DHX29: variants seen among roughly 807,000 people sequenced by gnomAD.
DHX29 encodes DExH-box helicase 29, also known as ATP-dependent RNA helicase DHX29.
In DHX29, 79 loss-of-function variants were observed where a neutral mutation model predicts 167.9. That is an observed-to-expected ratio of 0.47 (90% CI 0.39 to 0.57). DHX29 has a LOEUF of 0.57. Among genes scored for constraint, DHX29 ranks in the 20% least tolerant of loss-of-function variants. The pLI is 0.00. For synonymous variants in DHX29, 530 were observed against 546.0 expected, an observed-to-expected ratio of 0.97 and a Z score of 0.41; for missense variants, 1,347 against 1,593.4, an observed-to-expected ratio of 0.85 and a Z score of 2.63.
chr5:55,305,604 A>T (rs1748820751), intron 1 of DHX29, among the ~76,000 whole-genome samples: 1 of 152,244 alleles, frequency 6.6e-6, no homozygotes, highest in Non-Finnish European at 1.5e-5. Flanking sequence ...AAGCAAAATG[A>T]GCACAGCTGT....
At chr5:55,301,454 C>T (rs1353308634) in intron 1 of DHX29, among the ~76,000 whole-genome samples, 1 of 152,154 alleles carries the variant, frequency 6.6e-6, no homozygotes, top group African/African-American at 2.4e-5. Flanking sequence ...TGGCTCACGC[C>T]TGTAATCCCA....
intron 1 of DHX29, among the ~76,000 whole-genome samples, chr5:55,302,477 A>G (rs1243884699): frequency 6.6e-6 from 1 of 151,004 alleles, no homozygotes; most frequent in African/African-American, 2.4e-5. Flanking sequence ...AATATTAGCT[A>G]GGTGTGGTGG....
At chr5:55,271,486 A>G (rs929129721) in intron 18 of DHX29, among the ~76,000 whole-genome samples, 4 of 152,196 alleles carry the variant, frequency 2.6e-5, no homozygotes, top group Non-Finnish European at 4.4e-5. Context: ...CAAAAACATT[A>G]GCCGAGTGTG....
In DHX29 at chr5:55,307,422, G is replaced by A. The variant is rs1177817066; in HGVS notation, c.152C>T (p.Ala51Val). 7 of 1,612,454 alleles carry A rather than the reference G, an allele frequency of 4.3e-6. No homozygotes were observed. The African/African-American group carries it at 9.3e-5, about 22-fold the overall frequency. The stretch of plus-strand genomic sequence containing the variant: ...ACGGGGCTCCCTGGAGCCGGCAGCG[G>A]CAGCGGCAGCGGTGGCCGGCCTGGA... ...PVSRPATAAAAAAGSREPRVK... is the reference protein window; with the variant it reads ...PVSRPATAAAVAAGSREPRVK... The change falls in exon 1 of 27, where the codon GCC becomes GTC. Residue 51 changes from alanine to valine, a missense_variant. By Grantham distance (64) the Ala-to-Val change is moderately conservative. Coordinates refer to ENST00000251636, the MANE Select transcript of DHX29 (RefSeq NM_019030.4).
intron 8 of DHX29, among the ~76,000 whole-genome samples, chr5:55,288,447 A>G (rs900006818): frequency 6.0e-5 from 9 of 151,154 alleles, no homozygotes; most frequent in Non-Finnish European, 8.8e-5. Flanking sequence ...TATTTACTAT[A>G]TACTATTATT....
At chr5:55,294,699 A>C (rs1463740758) in intron 5 of DHX29, 1 of 152,614 alleles carries the variant, frequency 6.6e-6, no homozygotes, top group Non-Finnish European at 1.5e-5. Flanking sequence ...CAACAAAAAA[A>C]CTAGTGTTAT....
chr5:55,302,380 T>C (rs1241239457), intron 1 of DHX29, among the ~76,000 whole-genome samples: 1 of 152,144 alleles, frequency 6.6e-6, no homozygotes, highest in Admixed American at 6.5e-5. Context: ...AAAGTTCATA[T>C]GCTACTGACA....
At chr5:55,269,256 A>AG (rs1369461753) in intron 21 of DHX29, among the ~76,000 whole-genome samples, 157 bp downstream of exon 21, 14 of 151,954 alleles carry the variant, frequency 9.2e-5, no homozygotes, top group African/African-American at 3.4e-4. Flanking sequence ...AAAAAAAAAA[A>AG]AAAAAAAATT....
intron 11 of DHX29, among the ~76,000 whole-genome samples, chr5:55,282,010 T>G (rs1309702304): frequency 6.6e-6 from 1 of 152,088 alleles, no homozygotes; most frequent in East Asian, 1.9e-4. Context: ...GGCCTCGAAC[T>G]CCTGACCTCA....
rs567230093 is a variant in DHX29, at chr5:55,276,105, T to C, written c.2427+161A>G. On this transcript the variant is annotated intron_variant, in intron 14 of 26. Transcript: ENST00000251636. ...AAGACTACAGTCTATGAAATAAAGA[T>C]TAAAGAAATGACCTTTAAAATTTGT... Among the ~76,000 whole-genome samples the C allele has an allele frequency of 2.0e-5, 3 of 152,308 alleles. No individual in the cohort carries two copies. In the South Asian group the frequency reaches 6.2e-4, roughly 32 times the overall value.
intron 23 of DHX29, among the ~76,000 whole-genome samples, chr5:55,265,453 A>G (rs563328492): frequency 9.9e-5 from 15 of 152,282 alleles, no homozygotes; most frequent in African/African-American, 3.1e-4. Context: ...AATACAGGAC[A>G]CAGAAGAATA....
At chr5:55,275,224 G>C (rs1290673344) in intron 14 of DHX29, among the ~76,000 whole-genome samples, 1 of 152,034 alleles carries the variant, frequency 6.6e-6, no homozygotes, top group Non-Finnish European at 1.5e-5. Context: ...ATGTCATCCA[G>C]CCCTTAGGTA....
intron 15 of DHX29, 21 bp from the exon 16 acceptor site, chr5:55,274,752 C>T: frequency 6.4e-7 from 1 of 1,570,162 alleles, no homozygotes; most frequent in East Asian, 2.3e-5. Flanking sequence ...TAAAAAGATA[C>T]AATATTCAAA....
chr5:55,270,228 G>T (rs1232802460), intron 20 of DHX29, among the ~76,000 whole-genome samples, 184 bp downstream of exon 20: 2 of 152,184 alleles, frequency 1.3e-5, no homozygotes, highest in East Asian at 3.8e-4. Flanking sequence ...TCTATAAAGT[G>T]TAAGTGTCTG....
In DHX29 at chr5:55,300,976, T is replaced by C. The variant is rs963296756; in HGVS notation, c.188-2312A>G. ...TCTTCTCTTGGCATGTAGGTGGCCA[T>C]CATCTTGCTATATGTTCACATGGCT... is the stretch of plus-strand genomic sequence containing the variant. On this transcript the variant is annotated intron_variant, in intron 1 of 26. Transcript: ENST00000251636. Among the ~76,000 whole-genome samples, 4 of 152,260 alleles carry C rather than the reference T, an allele frequency of 2.6e-5. 1 individual carries two copies. Among genetic ancestry groups the C allele is most frequent in the South Asian group, 4.1e-4 (2 of 4,826 alleles).
intron 16 of DHX29, among the ~76,000 whole-genome samples, chr5:55,273,870 T>C (rs748438874): frequency 3.3e-5 from 5 of 152,172 alleles, no homozygotes; most frequent in Admixed American, 1.3e-4. Context: ...GCAGATCATC[T>C]AAGGTCAGGA....
Position 55,262,794 on chromosome 5 carries a change from C to G in DHX29, c.3664G>C (p.Ala1222Pro), listed in dbSNP as rs768036583. The G allele has an allele frequency of 6.2e-7, 1 of 1,614,090 alleles. No homozygotes were observed. Among genetic ancestry groups the G allele is most frequent in the Non-Finnish European group, 8.5e-7 (1 of 1,180,008 alleles). Residue 1222 changes from alanine to proline, a missense_variant, in exon 24 of 27, where the codon GCT becomes CCT. Coordinates refer to ENST00000251636, the MANE Select transcript of DHX29 (RefSeq NM_019030.4). ...TTCCCCACATTGTCATACAGTCCAG[C>G]CACCAGTACAGCTTTAAGAAGGGCA... ...EIALLKAVLV[A>P]GLYDNVGKII...
intron 1 of DHX29, among the ~76,000 whole-genome samples, chr5:55,307,072 T>TA (rs2112000628): frequency 6.6e-6 from 1 of 152,296 alleles, no homozygotes; most frequent in South Asian, 2.1e-4. Context: ...TTAGCCTAGC[T>TA]AGCTGAGATG....
chr5:55,267,613 C>A, intron 22 of DHX29, 73 bp downstream of exon 22: 3 of 1,355,258 alleles, frequency 2.2e-6, no homozygotes, highest in African/African-American at 1.5e-5. Flanking sequence ...TTTAATAAGT[C>A]AAAGGTAATA....
Sources: allele counts gnomAD v4.1 joint callset (sites outside exome capture counted in the v4.1 genomes callset), GRCh38; gene constraint gnomAD v4.1.1; transcripts MANE v1.5; gene names NCBI Gene and HGNC (gene_info 2026-07-23, HGNC 2026-07-21).